The following PI4K2A variants were observed in gnomAD, a reference collection of about 807,000 sequenced individuals.
PI4K2A encodes the protein phosphatidylinositol 4-kinase type 2-alpha.
Under a neutral mutation model 55.0 loss-of-function variants are expected in PI4K2A, and 20 were observed. That is an observed-to-expected ratio of 0.36 (90% CI 0.26 to 0.53). The LOEUF (loss-of-function observed/expected upper bound fraction) is 0.53, where lower values mean the gene tolerates loss of function less well. PI4K2A is among the 20% of genes least tolerant of loss of function. The probability of loss-of-function intolerance (pLI) is 0.91; values close to 1 mark genes in which losing one functional copy is unlikely to be tolerated. For missense variants in PI4K2A, 463 were observed against 637.1 expected, an observed-to-expected ratio of 0.73 and a Z score of 2.94; for synonymous variants, 235 against 258.5, an observed-to-expected ratio of 0.91 and a Z score of 0.87.
chr10:97,655,283 T>C (rs1243049890), intron 2 of PI4K2A, among the ~76,000 whole-genome samples: 2 of 151,282 alleles, frequency 1.3e-5, no homozygotes, highest in Non-Finnish European at 1.5e-5. Context: ...GGCATGAGAA[T>C]TGCTTGAATG....
intron 8 of PI4K2A, among the ~76,000 whole-genome samples, chr10:97,669,470 G>C (rs2041625457): frequency 6.7e-6 from 1 of 150,092 alleles, no homozygotes; most frequent in Non-Finnish European, 1.5e-5. Flanking sequence ...ATGGTAGGGA[G>C]GTTGGGGTAG....
At chr10:97,646,973 G>A (rs1351721730) in intron 1 of PI4K2A, among the ~76,000 whole-genome samples, 3 of 151,780 alleles carry the variant, frequency 2.0e-5, no homozygotes, top group African/African-American at 7.3e-5. Context: ...GTAGAGATGG[G>A]GTTTCACCAT....
intron 8 of PI4K2A, among the ~76,000 whole-genome samples, chr10:97,668,341 G>A (rs753346565): frequency 6.6e-6 from 1 of 152,206 alleles, no homozygotes; most frequent in Non-Finnish European, 1.5e-5. Context: ...ACTTTGAGAG[G>A]CTTAGGTGGG....
At chr10:97,666,706 ATT>A (rs1444577894) in intron 7 of PI4K2A, 135 bp downstream of exon 7, 1 of 745,172 alleles carries the variant, frequency 1.3e-6, no homozygotes, top group East Asian at 2.7e-5. Context: ...GAATAGCAAG[ATT>A]TCCACATGTG....
At chr10:97,640,678 A>G, upstream of PI4K2A, 2 of 1,209,600 alleles carry the variant, frequency 1.7e-6, no homozygotes, top group Non-Finnish European at 2.2e-6. Context: ...GATGTCACGG[A>G]TTGGTCGCGG....
At chr10:97,673,079 C>T (rs182630626) in intron 8 of PI4K2A, among the ~76,000 whole-genome samples, 61 of 152,074 alleles carry the variant, frequency 4.0e-4, no homozygotes, top group Middle Eastern at 3.4e-3. Context: ...CTCCGCCTCC[C>T]GGGTTCGAGC....
chr10:97,641,731 C>T (rs1049876848), intron 1 of PI4K2A, among the ~76,000 whole-genome samples: 3 of 152,216 alleles, frequency 2.0e-5, no homozygotes, highest in African/African-American at 4.8e-5. Flanking sequence ...CCAGTTTCAT[C>T]TGCCCTGGGT....
chr10:97,669,058 G>T (rs568219214), intron 8 of PI4K2A, among the ~76,000 whole-genome samples: 1 of 152,242 alleles, frequency 6.6e-6, no homozygotes, highest in Admixed American at 6.5e-5. Flanking sequence ...TAGAGATGGG[G>T]TTTCACCATG....
chr10:97,651,201 C>T, intron 2 of PI4K2A, 60 bp downstream of exon 2: 1 of 1,328,640 alleles, frequency 7.5e-7, no homozygotes, highest in Non-Finnish European at 1.1e-6. Flanking sequence ...GGGGCCTAAG[C>T]CCTGCTACAT....
At chr10:97,673,830 G>A in exon 9 of PI4K2A, 1 of 1,259,318 alleles carries the variant, frequency 7.9e-7, no homozygotes, top group Non-Finnish European at 1.1e-6. Context: ...AGAAGCCGGT[G>A]GAGAGCAGCA....
intron 8 of PI4K2A, among the ~76,000 whole-genome samples, chr10:97,671,203 GA>G (rs1348358780): frequency 3.3e-5 from 5 of 152,102 alleles, no homozygotes; most frequent in African/African-American, 1.2e-4. Flanking sequence ...TCCTACCAGA[GA>G]AGATAAATGG....
At chr10:97,659,883 G>A (rs2041572199) in intron 4 of PI4K2A, among the ~76,000 whole-genome samples, 2 of 152,040 alleles carry the variant, frequency 1.3e-5, no homozygotes, top group Admixed American at 6.6e-5. Context: ...TGTTGTCCAC[G>A]TGGGGAGACA....
At chr10:97,643,392 T>G (rs2041488348) in intron 1 of PI4K2A, among the ~76,000 whole-genome samples, 2 of 152,236 alleles carry the variant, frequency 1.3e-5, no homozygotes, top group South Asian at 4.1e-4. Flanking sequence ...TTTGTTTTTC[T>G]TTCATGACAC....
At chr10:97,671,664 G>A (rs1023811570) in intron 8 of PI4K2A, among the ~76,000 whole-genome samples, 1 of 152,022 alleles carries the variant, frequency 6.6e-6, no homozygotes, top group Non-Finnish European at 1.5e-5. Flanking sequence ...TTTTGAGATG[G>A]AGTCTTGCTC....
At chr10:97,640,792 A>C in exon 1 of PI4K2A, 1 of 1,494,572 alleles carries the variant, frequency 6.7e-7, no homozygotes, top group South Asian at 1.3e-5. Flanking sequence ...CAACCCCCGG[A>C]CTACACCTTC....
At chr10:97,655,859 G>A (rs1283754207) in intron 2 of PI4K2A, among the ~76,000 whole-genome samples, 1 of 152,044 alleles carries the variant, frequency 6.6e-6, no homozygotes, top group South Asian at 2.1e-4. Flanking sequence ...ACAGGTGTGA[G>A]CCACCACGCC....
At chr10:97,641,115 A>G (rs781681853) in exon 1 of PI4K2A, 2 of 1,609,328 alleles carry the variant, frequency 1.2e-6, no homozygotes, top group South Asian at 2.2e-5. Context: ...CGAGCGCTGC[A>G]TCTTTCCCGA....
At chr10:97,645,684 T>C (rs189951029) in intron 1 of PI4K2A, among the ~76,000 whole-genome samples, 137 of 151,054 alleles carry the variant, frequency 9.1e-4, no homozygotes, top group Middle Eastern at 3.4e-3. Context: ...CTTGACTGCC[T>C]CTTAACGTTT....
At chr10:97,640,719 G>A (rs374245289) in exon 1 of PI4K2A, 391 of 1,452,480 alleles carry the variant, frequency 2.7e-4, no homozygotes, top group African/African-American at 2.0e-3. Flanking sequence ...AGCGCGCCGG[G>A]TCCCGGAGCC....
Sources: gnomAD v4.1 joint callset for allele counts (sites outside exome capture counted in the v4.1 genomes callset) on GRCh38, gnomAD v4.1.1 for gene constraint, MANE v1.5 for transcripts, NCBI Gene and HGNC (gene_info 2026-07-23, HGNC 2026-07-21) for gene names.